Variants in ELAVL2 observed in about 807,000 individuals in gnomAD.
ELAVL2 encodes the protein ELAV like RNA binding protein 2, also known as ELAV-like protein 2.
Under a neutral mutation model 34.6 loss-of-function variants are expected in ELAVL2, and 4 were observed. The ratio of observed to expected loss-of-function variants is 0.12; its 90% CI spans 0.06 to 0.26. The LOEUF (loss-of-function observed/expected upper bound fraction) is 0.26, where lower values mean the gene tolerates loss of function less well. Ranked by LOEUF, ELAVL2 falls within the 10% of genes least tolerant of loss-of-function variation. The pLI, the probability that ELAVL2 is intolerant of heterozygous loss-of-function variation, is 1.00. For synonymous variants in ELAVL2, 193 were observed against 154.8 expected (o/e 1.25, Z -1.83); for missense variants, 432 against 442.8 (o/e 0.98, Z 0.22).
intron 2 of ELAVL2, among the ~76,000 whole-genome samples, chr9:23,734,061 A>T (rs2047243426): frequency 6.6e-6 from 1 of 152,208 alleles, no homozygotes; most frequent in South Asian, 2.1e-4. Context: ...AGGTAAGCAA[A>T]ACTGTATTAT....
In ELAVL2 at chr9:23,692,570, G is replaced by A. The variant is rs774492078; in HGVS notation, c.1067C>T (p.Thr356Met). 35 of 1,612,266 alleles carry A rather than the reference G, an allele frequency of 2.2e-5. No homozygotes were observed. The highest frequency in any genetic ancestry group is 6.7e-5 in the East Asian group (3 of 44,820). ...GACAAGAGCTCATTAGGCTTTGTGC[G>A]TTTTGTTTGTCTTAAAGGAGACCTG... ...VLQVSFKTNKTHKA is the reference protein window; with the variant it reads ...VLQVSFKTNKMHKA The change falls in exon 7 of 7, where the codon ACG (threonine) becomes ATG (methionine). Residue 356 changes from threonine (T) to methionine (M), a missense_variant. By Grantham distance (81) the Thr-to-Met change is moderately conservative. Transcript: ENST00000397312.
At chr9:23,758,268 A>G (rs1459236035) in intron 2 of ELAVL2, among the ~76,000 whole-genome samples, 1 of 152,102 alleles carries the variant, frequency 6.6e-6, no homozygotes, top group Non-Finnish European at 1.5e-5. Flanking sequence ...CTAGAGATAC[A>G]TTAGTACTAC....
chr9:23,768,013 C>T (rs953467851), intron 1 of ELAVL2, among the ~76,000 whole-genome samples: 3 of 152,056 alleles, frequency 2.0e-5, no homozygotes, highest in African/African-American at 7.2e-5. Context: ...CTGACCTGGG[C>T]TCTCATCTTC....
At chr9:23,817,090 G>C (rs4246853) in intron 1 of ELAVL2, among the ~76,000 whole-genome samples, 3,997 of 151,514 alleles carry the variant, frequency 0.026, 222 homozygotes, top group Admixed American at 0.12. Context: ...CTTACAGTAA[G>C]TATAATTTTA....
At chr9:23,813,079 C>G (rs2138175783) in intron 1 of ELAVL2, among the ~76,000 whole-genome samples, 1 of 152,300 alleles carries the variant, frequency 6.6e-6, no homozygotes, top group Admixed American at 6.5e-5. Context: ...ACTTAGCATT[C>G]AACTATATTC....
chr9:23,705,832 G>A (rs1007519391), intron 3 of ELAVL2, among the ~76,000 whole-genome samples: 1 of 152,112 alleles, frequency 6.6e-6, no homozygotes, highest in Non-Finnish European at 1.5e-5. Flanking sequence ...GACTGGTATG[G>A]GTCCATGGCC....
chr9:23,847,423 T>C, the ELAVL2 span: 1 of 152,052 alleles, frequency 6.6e-6, no homozygotes, highest in African/African-American at 2.4e-5. Context: ...GTCACTGTCA[T>C]TGGAATCAAT....
At chr9:23,734,000 C>A (rs1009311372) in intron 2 of ELAVL2, among the ~76,000 whole-genome samples, 10 of 152,080 alleles carry the variant, frequency 6.6e-5, no homozygotes, top group Admixed American at 4.6e-4. Flanking sequence ...TAAAAAGTTT[C>A]TTATTTGCCT....
chr9:23,819,649 A>G (rs566220949), intron 1 of ELAVL2, among the ~76,000 whole-genome samples: 14 of 152,320 alleles, frequency 9.2e-5, no homozygotes, highest in African/African-American at 3.1e-4. Flanking sequence ...AAAGGAAGAA[A>G]AAAACAACTA....
intron 1 of ELAVL2, among the ~76,000 whole-genome samples, chr9:23,811,014 T>C (rs2062905206): frequency 6.6e-6 from 1 of 152,212 alleles, no homozygotes; most frequent in Non-Finnish European, 1.5e-5. Context: ...CAAAATTTCT[T>C]ACTGTTGCAT....
chr9:23,755,532 A>AT (rs1386495531), intron 2 of ELAVL2, among the ~76,000 whole-genome samples: 1 of 152,214 alleles, frequency 6.6e-6, no homozygotes, highest in Non-Finnish European at 1.5e-5. Flanking sequence ...ATCAATGAAG[A>AT]TATAAATAAA....
chr9:23,822,201 A>G (rs890855125), intron 1 of ELAVL2, among the ~76,000 whole-genome samples: 1 of 152,164 alleles, frequency 6.6e-6, no homozygotes, highest in Non-Finnish European at 1.5e-5. Flanking sequence ...ATAAATATAT[A>G]TAAGTATACA....
At chr9:23,725,312 C>T (rs2044807307) in intron 3 of ELAVL2, among the ~76,000 whole-genome samples, 1 of 152,172 alleles carries the variant, frequency 6.6e-6, no homozygotes, top group Non-Finnish European at 1.5e-5. Context: ...ACACTCGCCT[C>T]CCATCCTGCT....
chr9:23,777,953 C>A (rs1588407685), intron 1 of ELAVL2, among the ~76,000 whole-genome samples: 1 of 126,816 alleles, frequency 7.9e-6, no homozygotes, highest in East Asian at 2.4e-4. Flanking sequence ...ATAAACATGG[C>A]CAACATAAAC....
At chr9:23,820,808 C>A (rs1226816277) in intron 1 of ELAVL2, among the ~76,000 whole-genome samples, 1 of 152,228 alleles carries the variant, frequency 6.6e-6, no homozygotes, top group Non-Finnish European at 1.5e-5. Flanking sequence ...CCACGGCAAG[C>A]GAACTGAAAT....
intron 2 of ELAVL2, chr9:23,735,507 G>A (rs1387250736): frequency 6.6e-6 from 1 of 152,200 alleles, no homozygotes; most frequent in African/African-American, 2.4e-5. Flanking sequence ...TCGAACTCCT[G>A]GCTTCAACTG....
At chr9:23,703,000 A>G (rs1308225612) in intron 4 of ELAVL2, among the ~76,000 whole-genome samples, 1 of 145,064 alleles carries the variant, frequency 6.9e-6, no homozygotes, top group Non-Finnish European at 1.5e-5. Flanking sequence ...ACACAGCTAG[A>G]GTCACCTAAA....
intron 1 of ELAVL2, among the ~76,000 whole-genome samples, chr9:23,789,036 C>T (rs2060034860): frequency 6.6e-6 from 1 of 152,172 alleles, no homozygotes; most frequent in South Asian, 2.1e-4. Flanking sequence ...AAGAGACCAA[C>T]GGCTTCTGTA....
rs997430260 is a variant in ELAVL2 at position 23,691,755 on chromosome 9, A to G, written c.*802T>C. 1 of 152,582 alleles carries G rather than the reference A, an allele frequency of 6.6e-6. No homozygotes were observed. Among genetic ancestry groups the G allele is most frequent in the Non-Finnish European group, 1.5e-5 (1 of 68,000 alleles). The allele number at this position is 152,582 out of a possible 1,614,324, so 9.5% of individuals were successfully genotyped here. A position where few individuals can be genotyped will look rare whatever the true frequency, so the allele number is the denominator to read the frequency against. On this transcript the variant is annotated 3_prime_UTR_variant, in exon 7 of 7. Coordinates refer to ENST00000397312, the MANE Select transcript of ELAVL2 (RefSeq NM_004432.5). ...TATTTTCTACACCATAAATCTTTCT[A>G]AATTTTCCAACCGCTGCAAATTTCC...
Sources: gnomAD v4.1 joint callset for allele counts (sites outside exome capture counted in the v4.1 genomes callset) on GRCh38, gnomAD v4.1.1 for gene constraint, MANE v1.5 for transcripts, NCBI Gene and HGNC (gene_info 2026-07-23, HGNC 2026-07-21) for gene names.